GOLGA1: variants seen among roughly 807,000 people sequenced by gnomAD.
The protein encoded by GOLGA1 is golgin A1.
In GOLGA1, 63 loss-of-function variants were observed where a neutral mutation model predicts 119.7. That is an observed-to-expected ratio of 0.53 (90% CI 0.43 to 0.65). The LOEUF (loss-of-function observed/expected upper bound fraction) is 0.65. Among genes scored for constraint, GOLGA1 ranks in the 30% least tolerant of loss-of-function variants. The pLI, the probability that GOLGA1 is intolerant of heterozygous loss-of-function variation, is 0.00. For synonymous variants in GOLGA1, 318 were observed against 333.4 expected (o/e 0.95, Z 0.50); for missense variants, 798 against 912.8 (o/e 0.87, Z 1.62).
chr9:124,915,728 T>G (rs1830426745), intron 10 of GOLGA1, among the ~76,000 whole-genome samples: 1 of 152,110 alleles, frequency 6.6e-6, no homozygotes, highest in South Asian at 2.1e-4. Context: ...GAGGTTGCAG[T>G]GAGCCAACAT....
chr9:124,937,155 G>C (rs541431625), intron 3 of GOLGA1, among the ~76,000 whole-genome samples: 1 of 152,130 alleles, frequency 6.6e-6, no homozygotes, highest in Non-Finnish European at 1.5e-5. Flanking sequence ...TTATAAATGA[G>C]TTTTAAAGAA....
intron 15 of GOLGA1, among the ~76,000 whole-genome samples, chr9:124,891,881 G>A (rs779408601): frequency 6.6e-6 from 1 of 152,050 alleles, no homozygotes; most frequent in Non-Finnish European, 1.5e-5. Flanking sequence ...CTGACCTTAG[G>A]TGATCTACCT....
At chr9:124,885,282 C>T (rs1489877242) in intron 19 of GOLGA1, among the ~76,000 whole-genome samples, 3 of 151,002 alleles carry the variant, frequency 2.0e-5, no homozygotes, top group Non-Finnish European at 2.9e-5. Flanking sequence ...GAGCTGAGAT[C>T]GCGCCACTGC....
At chr9:124,882,042 G>T in intron 20 of GOLGA1, 88 bp from the exon 21 acceptor site, 2 of 1,003,614 alleles carry the variant, frequency 2.0e-6, no homozygotes, top group Non-Finnish European at 3.0e-6. Context: ...TCCAAACTAT[G>T]ATCACTATCG....
At chr9:124,907,262 A>C (rs1309995895) in intron 12 of GOLGA1, among the ~76,000 whole-genome samples, 3 of 152,232 alleles carry the variant, frequency 2.0e-5, no homozygotes, top group Non-Finnish European at 2.9e-5. Context: ...CAGACTGTTT[A>C]GTAAATGATT....
intron 20 of GOLGA1, 126 bp downstream of exon 20, chr9:124,882,384 C>T (rs1000124451): frequency 1.9e-5 from 13 of 700,710 alleles, no homozygotes; most frequent in African/African-American, 8.7e-5. Flanking sequence ...GATTGCCCAG[C>T]GATCCCTTGC....
At chr9:124,935,384 T>C (rs1830844416) in intron 3 of GOLGA1, among the ~76,000 whole-genome samples, 1 of 152,220 alleles carries the variant, frequency 6.6e-6, no homozygotes, top group Admixed American at 6.5e-5. Flanking sequence ...AATTTTCCAC[T>C]TGTGGCCATG....
rs146574316 is a variant in GOLGA1 at position 124,896,014 on chromosome 9, C to T, written c.1407+2535G>A. On this transcript the variant is annotated intron_variant, in intron 15 of 22. Coordinates refer to ENST00000373555, the MANE Select transcript of GOLGA1 (RefSeq NM_002077.4). The stretch of plus-strand genomic sequence containing the variant: ...AGAACCTCTACAACAGAGAACCATC[C>T]GGCCTCAAACGTCAATAGCGCTGAG... 6.6e-4 allele frequency among the ~76,000 whole-genome samples: 101 copies of T among 152,352 alleles called. No homozygotes were observed. The East Asian group carries it at 0.014, about 22-fold the overall frequency.
At position 124,941,062 on chromosome 9, in the gene GOLGA1, A is replaced by T; in HGVS notation, c.-297T>A. On this transcript the variant is annotated 5_prime_UTR_variant, in exon 1 of 23. Coordinates refer to ENST00000373555, the MANE Select transcript of GOLGA1 (RefSeq NM_002077.4). ...ACCAACCCCCACCGCCCAGCCGGCG[A>T]GCCGAGCAGCGACCCGGAACCGCAC... 1 of 152,230 alleles carries T rather than the reference A, an allele frequency of 6.6e-6. No homozygotes were observed. Among genetic ancestry groups the T allele is most frequent in the East Asian group, 1.9e-4 (1 of 5,196 alleles). The allele number at this position is 152,230 out of a possible 1,614,324, so 9.4% of individuals were successfully genotyped here. A position where few individuals can be genotyped will look rare whatever the true frequency, so the allele number is the denominator to read the frequency against.
At chr9:124,884,157 G>A (rs1046313336) in intron 19 of GOLGA1, among the ~76,000 whole-genome samples, 12 of 151,820 alleles carry the variant, frequency 7.9e-5, no homozygotes, top group Non-Finnish European at 1.3e-4. Context: ...GATTACAGGT[G>A]TGTGCCACCA....
chr9:124,879,622 C>T lies in GOLGA1; in HGVS notation c.*908G>A, dbSNP rs1448373661. Reference sequence around the variant, plus strand: ...AGACAAAGCACACGAGATCCCACTGCACTTCAGAGGGAGCAGTGCCAGAGT... The same window carrying T: ...AGACAAAGCACACGAGATCCCACTGTACTTCAGAGGGAGCAGTGCCAGAGT... On this transcript the variant is annotated 3_prime_UTR_variant, in exon 23 of 23. Transcript: ENST00000373555. The T allele has an allele frequency of 6.6e-6, 1 of 151,276 alleles. No homozygotes were observed. Among genetic ancestry groups the T allele is most frequent in the Non-Finnish European group, 1.5e-5 (1 of 67,890 alleles). The allele number at this position is 151,276 out of a possible 1,614,324, so 9.4% of individuals were successfully genotyped here.
intron 4 of GOLGA1, among the ~76,000 whole-genome samples, chr9:124,929,862 G>A (rs1830741990): frequency 6.6e-6 from 1 of 152,114 alleles, no homozygotes; most frequent in Non-Finnish European, 1.5e-5. Context: ...TATCTAGGTG[G>A]CCAAAGAAGA....
chr9:124,920,664 G>A (rs1268280678), intron 10 of GOLGA1, among the ~76,000 whole-genome samples: 1 of 151,876 alleles, frequency 6.6e-6, no homozygotes, highest in African/African-American at 2.4e-5. Context: ...GGCCAGGCAC[G>A]GTGGCTCACG....
intron 19 of GOLGA1, among the ~76,000 whole-genome samples, chr9:124,882,932 A>T (rs1829624358): frequency 6.6e-6 from 1 of 152,100 alleles, no homozygotes; most frequent in African/African-American, 2.4e-5. Flanking sequence ...TTCAATTTTT[A>T]TGCTGTGATC....
At chr9:124,911,669 C>T (rs1331729201) in intron 11 of GOLGA1, among the ~76,000 whole-genome samples, 5 of 152,216 alleles carry the variant, frequency 3.3e-5, no homozygotes, top group African/African-American at 1.2e-4. Flanking sequence ...GAGATGCTAT[C>T]CGTTTGTATG....
chr9:124,922,134 G>A (rs1487334503), intron 8 of GOLGA1, among the ~76,000 whole-genome samples: 2 of 151,636 alleles, frequency 1.3e-5, no homozygotes, highest in Non-Finnish European at 2.9e-5. Context: ...AGGCTGAGGC[G>A]GGAGAATCAC....
intron 10 of GOLGA1, among the ~76,000 whole-genome samples, chr9:124,919,482 T>TAA (rs1270920877): frequency 2.0e-5 from 3 of 152,192 alleles, no homozygotes; most frequent in Non-Finnish European, 4.4e-5. Context: ...TGCTCCTTAT[T>TAA]GTGAGGCAGC....
At chr9:124,903,314 C>T (rs910442061) in intron 12 of GOLGA1, among the ~76,000 whole-genome samples, 4 of 152,044 alleles carry the variant, frequency 2.6e-5, no homozygotes, top group African/African-American at 9.7e-5. Flanking sequence ...ATGGCAAAAC[C>T]CTATCTCTGC....
At chr9:124,885,312 G>T (rs1829694447) in intron 19 of GOLGA1, among the ~76,000 whole-genome samples, 1 of 124,722 alleles carries the variant, frequency 8.0e-6, no homozygotes, top group South Asian at 2.8e-4. Context: ...TGGCGACAGA[G>T]ACTCCATCTC....
Sources: gnomAD v4.1 joint callset for allele counts (sites outside exome capture counted in the v4.1 genomes callset) on GRCh38, gnomAD v4.1.1 for gene constraint, MANE v1.5 for transcripts, NCBI Gene and HGNC (gene_info 2026-07-23, HGNC 2026-07-21) for gene names.